MEI4: variants seen among roughly 807,000 people sequenced by gnomAD.
MEI4 encodes meiotic double-stranded break formation protein 4.
MEI4 carries 27 observed loss-of-function variants against 31.4 expected under a neutral mutation model. That is an observed-to-expected ratio of 0.86 (90% CI 0.63 to 1.19). The LOEUF (loss-of-function observed/expected upper bound fraction) is 1.19. Ranked by LOEUF, MEI4 falls within the 50% of genes most tolerant of loss-of-function variation. MEI4 has a pLI of 0.00. For missense variants in MEI4, 329 were observed against 398.9 expected, an observed-to-expected ratio of 0.82 and a Z score of 1.49; for synonymous variants, 122 against 145.4, an observed-to-expected ratio of 0.84 and a Z score of 1.16.
intron 1 of MEI4, among the ~76,000 whole-genome samples, chr6:77,688,627 G>A (rs1179420467): frequency 2.0e-5 from 3 of 152,004 alleles, no homozygotes; most frequent in Non-Finnish European, 4.4e-5. Flanking sequence ...TTATTATCCA[G>A]AGAACTTTGT....
chr6:77,683,528 T>G (rs1768996030), intron 1 of MEI4, among the ~76,000 whole-genome samples: 1 of 152,126 alleles, frequency 6.6e-6, no homozygotes, highest in South Asian at 2.1e-4. Context: ...AAGTGAAACT[T>G]TGTGCCCTTT....
intron 3 of MEI4, among the ~76,000 whole-genome samples, chr6:77,770,325 A>C (rs528406722): frequency 1.1e-4 from 17 of 152,216 alleles, no homozygotes; most frequent in Middle Eastern, 3.4e-3. Flanking sequence ...TTGGAGCCCT[A>C]ATACAAAGTT....
intron 4 of MEI4, among the ~76,000 whole-genome samples, chr6:77,863,467 G>A (rs1407707590): frequency 6.7e-6 from 1 of 149,004 alleles, no homozygotes; most frequent in Non-Finnish European, 1.5e-5. Context: ...TCGATCAACT[G>A]GAAGAAAGGG....
At position 77,820,238 on chromosome 6, in the gene MEI4, G is replaced by GT. The variant is rs920154639; in HGVS notation, c.769-8684dup. ...AAACACAAAGAGACTCCTGGGACTG[G>GT]TTTTTTTTTGTTTTTGTTTTTGTTT... On this transcript the variant is annotated intron_variant, in intron 3 of 4. Coordinates refer to ENST00000684080, the MANE Select transcript of MEI4 (RefSeq NM_001322247.2). This position sits in a 1 kb window ranked among gnomAD's most constrained non-coding sequence, Gnocchi z 4.5. Among the ~76,000 whole-genome samples the GT allele has an allele frequency of 2.7e-4, 40 of 150,814 alleles. No individual in the cohort carries two copies. Among genetic ancestry groups the GT allele is most frequent in the Non-Finnish European group, 3.5e-4 (24 of 67,632 alleles).
At chr6:77,858,471 C>G (rs1421820143) in intron 4 of MEI4, among the ~76,000 whole-genome samples, 1 of 152,112 alleles carries the variant, frequency 6.6e-6, no homozygotes, top group Non-Finnish European at 1.5e-5. Flanking sequence ...TGGTACAATA[C>G]ATTATCTATG....
chr6:77,894,385 AT>A (rs201687088), intron 4 of MEI4, among the ~76,000 whole-genome samples: 4 of 151,884 alleles, frequency 2.6e-5, no homozygotes, highest in South Asian at 2.1e-4. Context: ...GATTGATTGT[AT>A]TTTTTTTTAA....
intron 4 of MEI4, among the ~76,000 whole-genome samples, chr6:77,902,096 G>C (rs143985342): frequency 9.2e-5 from 14 of 152,130 alleles, no homozygotes; most frequent in African/African-American, 3.4e-4. Flanking sequence ...ATACTGTTTT[G>C]ATTATTATAG....
chr6:77,753,307 G>T (rs534527135), intron 2 of MEI4, among the ~76,000 whole-genome samples: 22 of 152,148 alleles, frequency 1.4e-4, no homozygotes, highest in African/African-American at 5.1e-4. Flanking sequence ...TCATCAGAGT[G>T]AACAGCCAAC....
chr6:77,754,501 C>A (rs556549591), intron 2 of MEI4, among the ~76,000 whole-genome samples: 1 of 152,282 alleles, frequency 6.6e-6, no homozygotes, highest in South Asian at 2.1e-4. Context: ...AACTTTCTGA[C>A]ATCTTCCTGT....
At chr6:77,747,462 A>G (rs887928264) in intron 2 of MEI4, among the ~76,000 whole-genome samples, 5 of 152,208 alleles carry the variant, frequency 3.3e-5, no homozygotes, top group African/African-American at 9.6e-5. Flanking sequence ...CATGTGTTAC[A>G]TGGCAGCAGG....
chr6:77,715,770 C>T lies in MEI4; in HGVS notation c.232+24867C>T, dbSNP rs555825135. On this transcript the variant is annotated intron_variant, in intron 2 of 4. Transcript: ENST00000684080. Reference sequence around the variant, plus strand: ...GAATAATTCTTGTCTTCATAACAAGCCTATAGTTAGTTCATATACTTAACG... The same window carrying T: ...GAATAATTCTTGTCTTCATAACAAGTCTATAGTTAGTTCATATACTTAACG... Among the ~76,000 whole-genome samples the T allele has an allele frequency of 7.2e-4, 110 of 152,144 alleles. 1 individual carries two copies. Among genetic ancestry groups the T allele is most frequent in the Non-Finnish European group, 1.4e-3 (94 of 67,976 alleles).
At chr6:77,836,573 T>C (rs1354764462) in intron 4 of MEI4, among the ~76,000 whole-genome samples, 1 of 152,116 alleles carries the variant, frequency 6.6e-6, no homozygotes, top group Non-Finnish European at 1.5e-5. Context: ...GCAAATTAAA[T>C]ATTCTGAATC....
At chr6:77,888,730 G>T (rs1771684072) in intron 4 of MEI4, among the ~76,000 whole-genome samples, 1 of 151,994 alleles carries the variant, frequency 6.6e-6, no homozygotes, top group South Asian at 2.1e-4. Flanking sequence ...CCTTATATGA[G>T]ATTTGATACT....
At chr6:77,878,898 T>C (rs1465504071) in intron 4 of MEI4, among the ~76,000 whole-genome samples, 1 of 152,104 alleles carries the variant, frequency 6.6e-6, no homozygotes, top group Admixed American at 6.6e-5. Flanking sequence ...GCATATAGTA[T>C]GGCAACGTAT....
chr6:77,801,110 T>A (rs1769242872), intron 3 of MEI4, among the ~76,000 whole-genome samples: 1 of 152,194 alleles, frequency 6.6e-6, no homozygotes, highest in Admixed American at 6.5e-5. Context: ...CGGCTGTGAA[T>A]CCATGTGGTC....
At chr6:77,734,158 G>A (rs1428986096) in intron 2 of MEI4, among the ~76,000 whole-genome samples, 2 of 151,950 alleles carry the variant, frequency 1.3e-5, no homozygotes, top group African/African-American at 2.4e-5. Context: ...TTGGTGCAGA[G>A]CTGAGTTCAA....
chr6:77,676,519 C>T (rs1255476312), intron 1 of MEI4, among the ~76,000 whole-genome samples: 1 of 151,794 alleles, frequency 6.6e-6, no homozygotes, highest in Non-Finnish European at 1.5e-5. Flanking sequence ...GGAGCAAGAC[C>T]CATTTCAATA....
At chr6:77,865,728 A>T (rs1486340965) in intron 4 of MEI4, among the ~76,000 whole-genome samples, 1 of 152,194 alleles carries the variant, frequency 6.6e-6, no homozygotes, top group East Asian at 1.9e-4. Context: ...AACTCATTTT[A>T]TGAGGCCAGC....
In MEI4 at chr6:77,820,602, CAG is replaced by C. The variant is rs1425915208; in HGVS notation, c.769-8328_769-8327del. Among the ~76,000 whole-genome samples, 3 of 151,988 alleles carry C rather than the reference CAG, an allele frequency of 2.0e-5. No homozygotes were observed. Among genetic ancestry groups the C allele is most frequent in the African/African-American group, 7.2e-5 (3 of 41,400 alleles). On this transcript the variant is annotated intron_variant, in intron 3 of 4. Transcript: ENST00000684080. The surrounding 1 kb of genome is among the most constrained non-coding windows in gnomAD (Gnocchi z 4.5). ...TTAAATCCCTTTAGTATGGTTCTAT[CAG>C]TGTTAAAATGACTCATATTCATACA... is the stretch of plus-strand genomic sequence containing the variant.
Sources: allele counts gnomAD v4.1 joint callset (sites outside exome capture counted in the v4.1 genomes callset), GRCh38; gene constraint gnomAD v4.1.1; non-coding constraint Gnocchi (gnomAD v3.1); transcripts MANE v1.5; gene names NCBI Gene and HGNC (gene_info 2026-07-23, HGNC 2026-07-21).